The following JPH3 variants were observed in gnomAD, a reference collection of about 807,000 sequenced individuals.
JPH3 encodes the protein junctophilin-3.
A neutral mutation model predicts 59.6 loss-of-function variants in JPH3; 11 were observed. The ratio of observed to expected loss-of-function variants is 0.18; its 90% CI spans 0.12 to 0.31. The LOEUF is 0.31. Among genes scored for constraint, JPH3 ranks in the 10% least tolerant of loss-of-function variants. The probability of loss-of-function intolerance (pLI) is 1.00; values close to 1 mark genes in which losing one functional copy is unlikely to be tolerated. For missense variants in JPH3, 1,202 were observed against 1,105.7 expected (o/e 1.09, Z -1.24); for synonymous variants, 673 against 483.6 (o/e 1.39, Z -5.14).
At position 87,644,714 on chromosome 16, in the gene JPH3, T is replaced by G. The variant is rs955237917; in HGVS notation, c.839T>G (p.Ile280Ser). Residue 280 changes from isoleucine (I) to serine (S), a missense_variant, in exon 2 of 5, where the codon ATC becomes AGC. Transcript: ENST00000284262. ...GAGCTGGCGGTCATCGAGGACGACATCGACGCCACCACCACCGAGACCTAC... is the reference window on the plus strand; with the variant it reads ...GAGCTGGCGGTCATCGAGGACGACAGCGACGCCACCACCACCGAGACCTAC... ...EAELAVIEDD[I>S]DATTTETYVG... The G allele has an allele frequency of 3.8e-6, 6 of 1,586,408 alleles. No individual in the cohort carries two copies. The highest frequency in any genetic ancestry group is 5.1e-6 in the Non-Finnish European group (6 of 1,168,492).
chr16:87,679,418 C>T (rs1267564749), intron 2 of JPH3, among the ~76,000 whole-genome samples: 1 of 152,152 alleles, frequency 6.6e-6, no homozygotes, highest in Non-Finnish European at 1.5e-5. Flanking sequence ...AATGCACTTT[C>T]CAGGGAATGG....
chr16:87,680,340 C>T (rs1029255351), intron 2 of JPH3, among the ~76,000 whole-genome samples: 20 of 80,040 alleles, frequency 2.5e-4, no homozygotes, highest in African/African-American at 7.1e-4. Context: ...AGGGCTGCGG[C>T]GTGTGGAGGG....
At chr16:87,629,577 T>G (rs3849257) in intron 1 of JPH3, among the ~76,000 whole-genome samples, 40,302 of 151,404 alleles carry the variant, frequency 0.27, 5,853 homozygotes, top group African/African-American at 0.37. Flanking sequence ...CTCAGCGGGA[T>G]AAGCCCGTGT....
intron 1 of JPH3, among the ~76,000 whole-genome samples, chr16:87,624,833 C>G (rs1028258015): frequency 7.9e-5 from 12 of 152,156 alleles, no homozygotes; most frequent in Admixed American, 7.8e-4. Context: ...GAGTTTCACT[C>G]TTGTTGCCCA....
chr16:87,695,620 G>A, intron 4 of JPH3: 1 of 456,018 alleles, frequency 2.2e-6, no homozygotes, highest in Non-Finnish European at 4.4e-6. Context: ...CCTGGGCTGG[G>A]GCCACCGTCC....
intron 4 of JPH3, among the ~76,000 whole-genome samples, chr16:87,692,577 G>A (rs2033623780): frequency 8.8e-6 from 1 of 113,096 alleles, no homozygotes; most frequent in South Asian, 3.0e-4. Flanking sequence ...ATGGGCCTGG[G>A]ATTCTAGCCC....
At chr16:87,663,765 G>C (rs750240968) in intron 2 of JPH3, among the ~76,000 whole-genome samples, 11 of 152,164 alleles carry the variant, frequency 7.2e-5, no homozygotes, top group Non-Finnish European at 1.5e-4. Context: ...TAAACTTACA[G>C]CGTTTTCAAG....
At chr16:87,610,000 G>A (rs1014232881) in intron 1 of JPH3, among the ~76,000 whole-genome samples, 1 of 152,142 alleles carries the variant, frequency 6.6e-6, no homozygotes, top group African/African-American at 2.4e-5. Context: ...ACAACTAGAC[G>A]GTCTCATCTG....
intron 2 of JPH3, among the ~76,000 whole-genome samples, chr16:87,681,659 C>T (rs111588883): frequency 0.19 from 27,764 of 148,852 alleles, 2,762 homozygotes; most frequent in Non-Finnish European, 0.25. Flanking sequence ...AGGTCAGGTG[C>T]GCGCGGTGGT....
chr16:87,602,534 ACGCCGCCGCCGCCAC>A lies in JPH3; in HGVS notation c.-599_-585del, dbSNP rs1317890194. ...AGCGCGCGAGCCGGGCCCGGAGCGC[ACGCCGCCGCCGCCAC>A]CGCCGCCGCCGCCGCCCGAGCCGCC... On this transcript the variant is annotated 5_prime_UTR_variant, in exon 1 of 5. Transcript: ENST00000284262. Among the ~76,000 whole-genome samples the A allele has an allele frequency of 3.0e-5, 4 of 132,194 alleles. No homozygotes were observed. The highest frequency in any genetic ancestry group is 2.6e-4 in the East Asian group (1 of 3,862). 86.7% of individuals were successfully genotyped at this position (132,194 alleles called of 152,430 possible). A position where few individuals can be genotyped will look rare whatever the true frequency, so the allele number is the denominator to read the frequency against.
At chr16:87,656,710 G>A (rs116944185) in intron 2 of JPH3, among the ~76,000 whole-genome samples, 104 of 152,286 alleles carry the variant, frequency 6.8e-4, no homozygotes, top group Non-Finnish European at 1.3e-3. Context: ...GGGCCCCTAC[G>A]TGCCATGGGC....
At chr16:87,625,270 T>TGACAGC (rs2031329773) in intron 1 of JPH3, among the ~76,000 whole-genome samples, 2 of 152,170 alleles carry the variant, frequency 1.3e-5, no homozygotes, top group African/African-American at 2.4e-5. Context: ...GGGGTGACAG[T>TGACAGC]GACAGCTGTG....
chr16:87,638,651 G>A (rs541993043), intron 1 of JPH3, among the ~76,000 whole-genome samples: 15 of 151,686 alleles, frequency 9.9e-5, no homozygotes, highest in Non-Finnish European at 1.6e-4. Flanking sequence ...GAGGAGTACC[G>A]GGACCCGGGG....
intron 2 of JPH3, among the ~76,000 whole-genome samples, chr16:87,656,464 G>A (rs919193663): frequency 3.3e-5 from 5 of 152,196 alleles, no homozygotes; most frequent in African/African-American, 4.8e-5. Flanking sequence ...GTTCTGCCCC[G>A]GTATGTCTGC....
chr16:87,678,711 T>C (rs746702310), intron 2 of JPH3, among the ~76,000 whole-genome samples: 2 of 152,150 alleles, frequency 1.3e-5, no homozygotes, highest in Non-Finnish European at 2.9e-5. Context: ...GATCTGCAGA[T>C]GAGATTCTCC....
At chr16:87,696,280 C>G in intron 4 of JPH3, 1 of 498,278 alleles carries the variant, frequency 2.0e-6, no homozygotes, top group Non-Finnish European at 3.7e-6. Context: ...GGGTGGTTCT[C>G]TCCAAGGGGA....
intron 2 of JPH3, among the ~76,000 whole-genome samples, chr16:87,667,200 C>G (rs1397642743): frequency 6.6e-6 from 1 of 152,206 alleles, no homozygotes; most frequent in African/African-American, 2.4e-5. Context: ...TCCCTCTGCC[C>G]CGTCCTGAGC....
At chr16:87,688,643 A>G (rs915746843) in intron 3 of JPH3, among the ~76,000 whole-genome samples, 3 of 152,046 alleles carry the variant, frequency 2.0e-5, no homozygotes, top group Non-Finnish European at 4.4e-5. Context: ...CCGTCCTCAG[A>G]GGGAAGACTC....
rs1252226512 is a variant in JPH3, at chr16:87,690,479, G to A, written c.2119G>A (p.Ala707Thr). 3 of 1,487,774 alleles carry A rather than the reference G, an allele frequency of 2.0e-6. No individual in the cohort carries two copies. The highest frequency in any genetic ancestry group is 2.8e-5 in the African/African-American group (2 of 70,756). The allele number at this position is 1,487,774 out of a possible 1,614,324, so 92.2% of individuals were successfully genotyped here. The change falls in exon 4 of 5, where the codon GCT becomes ACT. Residue 707 changes from alanine to threonine, a missense_variant. By Grantham distance (58) the Ala-to-Thr change is moderately conservative. Transcript: ENST00000284262. ...CCCGCCCCAGAAATCCTTGCCTGTC[G>A]CTCTAGAGTCCGACGAGGAGAATGG... Reference protein sequence around the residue: ...FSPPQKSLPVALESDEENGDE... With the variant: ...FSPPQKSLPVTLESDEENGDE...
Sources: allele counts gnomAD v4.1 joint callset (sites outside exome capture counted in the v4.1 genomes callset), GRCh38; gene constraint gnomAD v4.1.1; transcripts MANE v1.5; gene names NCBI Gene and HGNC (gene_info 2026-07-23, HGNC 2026-07-21).